Variants in CHAF1A observed in about 807,000 individuals in gnomAD.
CHAF1A encodes CAF-1 subunit A.
CHAF1A carries 5 observed loss-of-function variants against 93.2 expected under a neutral mutation model. The ratio of observed to expected loss-of-function variants is 0.05; its 90% confidence interval spans 0.03 to 0.11. CHAF1A has a LOEUF of 0.11. Ranked by LOEUF, CHAF1A falls within the 10% of genes least tolerant of loss-of-function variation. The probability of loss-of-function intolerance (pLI) is 1.00; values close to 1 mark genes in which losing one functional copy is unlikely to be tolerated. For missense variants in CHAF1A, 1,102 were observed against 1,259.9 expected, an observed-to-expected ratio of 0.87 and a Z score of 1.90; for synonymous variants, 504 against 510.3, an observed-to-expected ratio of 0.99 and a Z score of 0.17.
At chr19:4,448,194 C>T (rs1974578535), downstream of CHAF1A, 4 of 866,420 alleles carry the variant, frequency 4.6e-6, no homozygotes, top group Non-Finnish European at 7.3e-6. Flanking sequence ...TCACTCTCGG[C>T]CTATGCTCCT....
downstream of CHAF1A, chr19:4,446,435 C>G (rs243388): frequency 1.9e-6 from 3 of 1,577,850 alleles, no homozygotes; most frequent in African/African-American, 1.3e-5. Context: ...GGCCAGGTCA[C>G]GAGGGCTGGC....
intron 3 of CHAF1A, among the ~76,000 whole-genome samples, chr19:4,410,974 C>T (rs548130136): frequency 1.3e-5 from 2 of 152,150 alleles, no homozygotes; most frequent in African/African-American, 4.8e-5. Context: ...AGTCACGAGT[C>T]CCACGGTGTT....
At position 4,412,915 on chromosome 19, in the gene CHAF1A, A is replaced by G. The variant is rs200436766; in HGVS notation, c.960+3156A>G. Among the ~76,000 whole-genome samples, 4 of 152,344 alleles carry G rather than the reference A, an allele frequency of 2.6e-5. No individual in the cohort carries two copies. In the East Asian group the frequency reaches 7.7e-4, roughly 29 times the overall value. The stretch of plus-strand genomic sequence containing the variant: ...CACCGAAGCTATGAGGGAAGCGATT[A>G]TCGGGAGGCCTCCTCATGCCCTGAT... On this transcript the variant is annotated intron_variant, in intron 3 of 14. Coordinates refer to ENST00000301280, the MANE Select transcript of CHAF1A (RefSeq NM_005483.3).
chr19:4,413,530 T>C (rs1312977702), intron 3 of CHAF1A, among the ~76,000 whole-genome samples: 1 of 152,210 alleles, frequency 6.6e-6, no homozygotes, highest in East Asian at 1.9e-4. Flanking sequence ...AGCTTGCAGA[T>C]TGTTTCGCAC....
chr19:4,429,641 C>G, intron 9 of CHAF1A, 35 bp downstream of exon 9: 3 of 1,614,048 alleles, frequency 1.9e-6, no homozygotes, highest in Non-Finnish European at 2.5e-6. Flanking sequence ...GTCCCCGTAC[C>G]TCCTCACTGT....
chr19:4,423,702 A>G (rs1200047501), intron 6 of CHAF1A, 104 bp from the exon 7 acceptor site: 18 of 1,189,532 alleles, frequency 1.5e-5, no homozygotes, highest in Non-Finnish European at 2.2e-5. Context: ...AGTGCCTTCA[A>G]GCTAAAATGC....
chr19:4,446,632 G>T (rs8101961), downstream of CHAF1A: 9 of 1,612,348 alleles, frequency 5.6e-6, no homozygotes, highest in Non-Finnish European at 7.6e-6. Context: ...CACGGGCTCC[G>T]CAGCCAGCAG....
At chr19:4,450,796 C>T in the CHAF1A span, 1 of 121,794 alleles carries the variant, frequency 8.2e-6, no homozygotes, top group African/African-American at 3.1e-5. Flanking sequence ...AGAGTGCCTA[C>T]AAATCACTAA....
At chr19:4,430,126 G>T in intron 10 of CHAF1A, 1 of 359,554 alleles carries the variant, frequency 2.8e-6, no homozygotes, top group Non-Finnish European at 5.1e-6. Context: ...GCTTTCTGCC[G>T]ATGCTCACCG....
In CHAF1A at chr19:4,422,644, C is replaced by T. The variant is rs1251104917; in HGVS notation, c.1096C>T (p.Arg366Trp). 4 of 1,601,182 alleles carry T rather than the reference C, an allele frequency of 2.5e-6. No individual in the cohort carries two copies. The highest frequency in any genetic ancestry group is 3.4e-6 in the Non-Finnish European group (4 of 1,173,986). Residue 366 changes from arginine (R) to tryptophan (W), a missense_variant, in exon 5 of 15, where the codon CGG becomes TGG. By Grantham distance (101) the Arg-to-Trp change is moderately radical (BLOSUM62 -3). Coordinates refer to ENST00000301280, the MANE Select transcript of CHAF1A (RefSeq NM_005483.3). This position sits in a 1 kb window ranked among gnomAD's most constrained non-coding sequence, Gnocchi z 4.6. ...GGAGAAGCTGAAAGAGGAGGCCAAGCGGGCCAAGGAGGAGGCCAAGAAGAA... is the reference window on the plus strand; with the variant it reads ...GGAGAAGCTGAAAGAGGAGGCCAAGTGGGCCAAGGAGGAGGCCAAGAAGAA... ...EKEKLKEEAK[R>W]AKEEAKKKKE...
Position 4,423,742 on chromosome 19 carries a change from G to A in CHAF1A, c.1309-64G>A, listed in dbSNP as rs372016466. ...CGTTCGGTTCTGGGGGCCTTTGCAT[G>A]TTTTGCAACACATACTGTTCCTCTT... On this transcript the variant is annotated intron_variant, in intron 6 of 14. Coordinates refer to ENST00000301280, the MANE Select transcript of CHAF1A (RefSeq NM_005483.3). 6.7e-5 allele frequency: 101 copies of A among 1,516,866 alleles called. No homozygotes were observed. In the African/African-American group the frequency reaches 1.3e-3, roughly 20 times the overall value. The allele number at this position is 1,516,866 out of a possible 1,614,324, so 94.0% of individuals were successfully genotyped here.
chr19:4,449,561 G>C (rs1207086275), downstream of CHAF1A: 4 of 152,348 alleles, frequency 2.6e-5, no homozygotes, highest in African/African-American at 9.6e-5. Flanking sequence ...CAGCTTCCTT[G>C]GGATCAGAGC....
chr19:4,447,000 G>C, downstream of CHAF1A: 1 of 1,384,930 alleles, frequency 7.2e-7, no homozygotes, highest in Non-Finnish European at 1.0e-6. Flanking sequence ...CCAGGGGCCC[G>C]GCTCTCGCTA....
chr19:4,447,586 C>T, downstream of CHAF1A: 2 of 1,613,924 alleles, frequency 1.2e-6, no homozygotes, highest in Non-Finnish European at 1.7e-6. Context: ...TCTTCCGGTA[C>T]TTCTCCTCCT....
At chr19:4,434,036 G>T (rs929556687) in intron 13 of CHAF1A, among the ~76,000 whole-genome samples, 1 of 152,034 alleles carries the variant, frequency 6.6e-6, no homozygotes, top group Non-Finnish European at 1.5e-5. Context: ...CTCCCAGAAT[G>T]GTGCATTGGT....
chr19:4,415,472 A>G (rs948595441), intron 3 of CHAF1A, among the ~76,000 whole-genome samples: 1 of 152,178 alleles, frequency 6.6e-6, no homozygotes, highest in Non-Finnish European at 1.5e-5. Flanking sequence ...CCAAGACCAC[A>G]TTCCGTATTA....
In CHAF1A at chr19:4,412,277, T is replaced by G. The variant is rs139943754; in HGVS notation, c.960+2518T>G. 1.2e-3 allele frequency among the ~76,000 whole-genome samples: 186 copies of G among 152,324 alleles called. 2 individuals are homozygous for G. Among genetic ancestry groups the G allele is most frequent in the African/African-American group, 4.0e-3 (168 of 41,576 alleles). ...GGGACACATGGCTGGGCGCGGTGGC[T>G]CACACCTGCAATCCCAGCACTTTGG... is the stretch of plus-strand genomic sequence containing the variant. On this transcript the variant is annotated intron_variant, in intron 3 of 14. Transcript: ENST00000301280.
rs1437654780 is a variant in CHAF1A at position 4,409,058 on chromosome 19, T to A, written c.259T>A (p.Phe87Ile). ...CTGTCATGTGGGTTCTGACATAGAC[T>A]TTAGACCGAAACTTGTCAACGGGAA... ...NNCHVGSDID[F>I]RPKLVNGKGP... Residue 87 changes from phenylalanine to isoleucine, a missense_variant, in exon 3 of 15, where the codon TTT becomes ATT. By Grantham distance (21) the Phe-to-Ile change is conservative (BLOSUM62 0). Transcript: ENST00000301280. 2 of 1,614,196 alleles carry A rather than the reference T, an allele frequency of 1.2e-6. No homozygotes were observed. Among genetic ancestry groups the A allele is most frequent in the Admixed American group, 3.3e-5 (2 of 60,022 alleles).
chr19:4,408,463 T>TTTTTTTTG (rs1973725818), intron 2 of CHAF1A, among the ~76,000 whole-genome samples: 1 of 49,752 alleles, frequency 2.0e-5, no homozygotes, highest in Non-Finnish European at 4.2e-5. Flanking sequence ...CACCCGGCCT[T>TTTTTTTTG]TTTTTTTTTT....
Sources: gnomAD v4.1 joint callset for allele counts (sites outside exome capture counted in the v4.1 genomes callset) on GRCh38, gnomAD v4.1.1 for gene constraint, Gnocchi (gnomAD v3.1) non-coding constraint, MANE v1.5 for transcripts, NCBI Gene and HGNC (gene_info 2026-07-23, HGNC 2026-07-21) for gene names.